Variants in RAPGEFL1 observed in about 807,000 individuals in gnomAD.
RAPGEFL1 encodes the protein Rap guanine nucleotide exchange factor like 1.
RAPGEFL1 carries 31 observed loss-of-function variants against 64.4 expected under a neutral mutation model. The ratio of observed to expected loss-of-function variants is 0.48; its 90% CI spans 0.36 to 0.65. The LOEUF (loss-of-function observed/expected upper bound fraction) is 0.65. Among genes scored for constraint, RAPGEFL1 ranks in the 30% least tolerant of loss-of-function variants. The pLI is 0.00. For synonymous variants in RAPGEFL1, 331 were observed against 274.1 expected, an observed-to-expected ratio of 1.21 and a Z score of -2.05; for missense variants, 682 against 677.4, an observed-to-expected ratio of 1.01 and a Z score of -0.08.
At position 40,193,835 on chromosome 17, in the gene RAPGEFL1, C is replaced by T. The variant is rs761224867; in HGVS notation, c.*47C>T. The T allele has an allele frequency of 6.2e-7, 1 of 1,612,068 alleles. No individual in the cohort carries two copies. Among genetic ancestry groups the T allele is most frequent in the African/African-American group, 1.3e-5 (1 of 74,962 alleles). ...CCGCCAGATCCTTGGGCACCTGGCA[C>T]TCAAGCACTTTGCACGATGTCTCAA... On this transcript the variant is annotated 3_prime_UTR_variant, in exon 15 of 15. Coordinates refer to ENST00000620260, the MANE Select transcript of RAPGEFL1 (RefSeq NM_016339.6).
Position 40,189,333 on chromosome 17 carries a change from C to T in RAPGEFL1, c.1072C>T (p.Arg358Cys), listed in dbSNP as rs143295458. 437 of 1,613,982 alleles carry T rather than the reference C, an allele frequency of 2.7e-4. 1 individual carries two copies. Among genetic ancestry groups the T allele is most frequent in the Non-Finnish European group, 5.0e-5 (59 of 1,180,036 alleles). ...TCAATATTCAGAGGAGCCCGCGGGG[C>T]GTGAGGATTCCCTCATCCTGGTAGC... ...KLQYSEEPAG[R>C]EDSLILVAVS... Residue 358 changes from arginine to cysteine, a missense_variant, in exon 6 of 15, where the codon CGT becomes TGT. Physicochemically the swap from Arg to Cys is radical, Grantham distance 180. Transcript: ENST00000620260.
At position 40,190,777 on chromosome 17, in the gene RAPGEFL1, T is replaced by C. The variant is rs768739826; in HGVS notation, c.1335+15T>C. 1.5e-5 allele frequency: 24 copies of C among 1,613,736 alleles called. No individual in the cohort carries two copies. Among genetic ancestry groups the C allele is most frequent in the Non-Finnish European group, 1.9e-5 (23 of 1,179,874 alleles). On this transcript the variant is annotated intron_variant, in intron 8 of 14. Coordinates refer to ENST00000620260, the MANE Select transcript of RAPGEFL1 (RefSeq NM_016339.6). ...GTGTGCATGAGGTGGGGACCGAGGC[T>C]GGTGCTATGCTGGGGGGCTGGAGGG...
intron 1 of RAPGEFL1, 199 bp from the exon 2 acceptor site, chr17:40,181,417 A>C: frequency 4.7e-6 from 3 of 642,316 alleles, no homozygotes; most frequent in Non-Finnish European, 5.8e-6. Flanking sequence ...GCAGCTGCCG[A>C]ACCCACCCTC....
intron 14 of RAPGEFL1, 37 bp downstream of exon 14, chr17:40,193,454 G>A: frequency 6.2e-7 from 1 of 1,611,446 alleles, no homozygotes; most frequent in Non-Finnish European, 8.5e-7. Context: ...TACAGATAGA[G>A]CTTTGACTGA....
chr17:40,181,468 G>C (rs1307622334), intron 1 of RAPGEFL1, 148 bp from the exon 2 acceptor site: 1 of 672,772 alleles, frequency 1.5e-6, no homozygotes, highest in East Asian at 2.8e-5. Flanking sequence ...ATGTGTGCGC[G>C]TGTGCAGAGC....
At chr17:40,187,817 G>A (rs2145215000) in intron 4 of RAPGEFL1, among the ~76,000 whole-genome samples, 1 of 150,952 alleles carries the variant, frequency 6.6e-6, no homozygotes, top group African/African-American at 2.4e-5. Flanking sequence ...GTTTCATCGT[G>A]TTAGCCAGGA....
chr17:40,183,835 C>CTTTTT (rs34505274), intron 2 of RAPGEFL1, among the ~76,000 whole-genome samples: 12 of 56,880 alleles, frequency 2.1e-4, no homozygotes, highest in South Asian at 6.6e-4. Flanking sequence ...TTTTTTTTGC[C>CTTTTT]TTTTTTTTTT....
In RAPGEFL1 at chr17:40,193,768, C is replaced by G. The variant is rs143788634; in HGVS notation, c.1969C>G (p.Leu657Val). ...QNLLFELSYK[L>V]EANSQ ...CCTCCTCTTCGAGCTCTCCTACAAG[C>G]TGGAGGCAAACAGTCAGTGAGAGTG... Residue 657 changes from leucine (L) to valine (V), a missense_variant, in exon 15 of 15, where the codon CTG becomes GTG. Coordinates refer to ENST00000620260, the MANE Select transcript of RAPGEFL1 (RefSeq NM_016339.6). 1.2e-4 allele frequency: 201 copies of G among 1,613,998 alleles called. No individual in the cohort carries two copies. The African/African-American group carries it at 2.3e-3, about 19-fold the overall frequency.
intron 1 of RAPGEFL1, among the ~76,000 whole-genome samples, chr17:40,179,006 C>CA (rs1381463477): frequency 6.6e-6 from 1 of 151,452 alleles, no homozygotes; most frequent in East Asian, 1.9e-4. Flanking sequence ...GGCCCTGCAG[C>CA]ATCCAGGGTG....
In RAPGEFL1 at chr17:40,178,091, T is replaced by A; in HGVS notation, c.230T>A (p.Leu77Gln). 1 of 598,346 alleles carries A rather than the reference T, an allele frequency of 1.7e-6. No individual in the cohort carries two copies. 37.1% of individuals were successfully genotyped at this position (598,346 alleles called of 1,614,324 possible). ...CGGGAGCCCCCCGCCGAGCCGGGGC[T>A]GGAGCCGCCCCCTGAGGAGGAAGGA... ...FLREPPAEPG[L>Q]EPPPEEEGGE... The change falls in exon 1 of 15, where the codon CTG (leucine) becomes CAG (glutamine). Residue 77 changes from leucine (L) to glutamine (Q), a missense_variant. Leu to Gln is a moderately radical substitution (Grantham distance 113, BLOSUM62 -2). This residue lies in a region of RAPGEFL1 where 271 missense variants were observed against 158.0 expected (regional missense o/e 1.72). Coordinates refer to ENST00000620260, the MANE Select transcript of RAPGEFL1 (RefSeq NM_016339.6).
In RAPGEFL1 at chr17:40,178,097, C is replaced by T. The variant is rs745681987; in HGVS notation, c.236C>T (p.Pro79Leu). 1.3e-4 allele frequency: 79 copies of T among 590,234 alleles called. No individual in the cohort carries two copies. The highest frequency in any genetic ancestry group is 2.2e-4 in the Non-Finnish European group (73 of 335,182). The allele number at this position is 590,234 out of a possible 1,614,324, so 36.6% of individuals were successfully genotyped here. A position where few individuals can be genotyped will look rare whatever the true frequency, so the allele number is the denominator to read the frequency against. Reference sequence around the variant, plus strand: ...CCCCCCGCCGAGCCGGGGCTGGAGCCGCCCCCTGAGGAGGAAGGAGGAGAG... The same window carrying T: ...CCCCCCGCCGAGCCGGGGCTGGAGCTGCCCCCTGAGGAGGAAGGAGGAGAG... ...REPPAEPGLEPPPEEEGGEPA... is the reference protein window; with the variant it reads ...REPPAEPGLELPPEEEGGEPA... The change falls in exon 1 of 15, where the codon CCG (proline) becomes CTG (leucine). Residue 79 changes from proline to leucine, a missense_variant. Coordinates refer to ENST00000620260, the MANE Select transcript of RAPGEFL1 (RefSeq NM_016339.6).
chr17:40,191,552 C>G lies in RAPGEFL1; in HGVS notation c.1515-30C>G. 4 of 1,566,416 alleles carry G rather than the reference C, an allele frequency of 2.6e-6. No homozygotes were observed. Among genetic ancestry groups the G allele is most frequent in the Non-Finnish European group, 3.5e-6 (4 of 1,157,532 alleles). On this transcript the variant is annotated intron_variant, in intron 9 of 14. Coordinates refer to ENST00000620260, the MANE Select transcript of RAPGEFL1 (RefSeq NM_016339.6). The surrounding 1 kb of genome is among the most constrained non-coding windows in gnomAD (Gnocchi z 5.1). The stretch of plus-strand genomic sequence containing the variant: ...GAGGCCGGAGGCCCGCGCCGCCGCC[C>G]GCCCCTGACCCCGCCTCCCACCCCC...
chr17:40,178,709 A>G (rs915869319), intron 1 of RAPGEFL1, among the ~76,000 whole-genome samples: 2 of 152,144 alleles, frequency 1.3e-5, no homozygotes, highest in African/African-American at 4.8e-5. Flanking sequence ...TGTGGCCCCA[A>G]ATTAGGGCCT....
Position 40,193,743 on chromosome 17 carries a change from C to G in RAPGEFL1, c.1944C>G (p.Asn648Lys). 6.2e-7 allele frequency: 1 copy of G among 1,614,114 alleles called. No homozygotes were observed. Among genetic ancestry groups the G allele is most frequent in the Non-Finnish European group, 8.5e-7 (1 of 1,180,012 alleles). Reference sequence around the variant, plus strand: ...AGTTTCAGGTCATCGACAACCAGAACCTCCTCTTCGAGCTCTCCTACAAGC... The same window carrying G: ...AGTTTCAGGTCATCGACAACCAGAAGCTCCTCTTCGAGCTCTCCTACAAGC... ...VRQFQVIDNQ[N>K]LLFELSYKLE... Residue 648 changes from asparagine (N) to lysine (K), a missense_variant, in exon 15 of 15, where the codon AAC (asparagine) becomes AAG (lysine). Transcript: ENST00000620260.
Position 40,183,297 on chromosome 17 carries a change from A to T in RAPGEFL1, c.600-917A>T, listed in dbSNP as rs544800811. ...AGGCCCTGGGCTGGTCAGAGGTTGG[A>T]TGGGTCTGGGCAGGGTATCCTCAAG... On this transcript the variant is annotated intron_variant, in intron 2 of 14. Transcript: ENST00000620260. Among the ~76,000 whole-genome samples, 79 of 152,104 alleles carry T rather than the reference A, an allele frequency of 5.2e-4. No individual in the cohort carries two copies. The Middle Eastern group carries it at 0.017, about 33-fold the overall frequency.
chr17:40,180,322 C>G (rs923067101), intron 1 of RAPGEFL1, among the ~76,000 whole-genome samples: 1 of 152,114 alleles, frequency 6.6e-6, no homozygotes, highest in Non-Finnish European at 1.5e-5. Context: ...TGGGGTAAGA[C>G]TCCTGAAATG....
chr17:40,180,526 C>G (rs1445824768), intron 1 of RAPGEFL1, among the ~76,000 whole-genome samples: 1 of 152,102 alleles, frequency 6.6e-6, no homozygotes, highest in East Asian at 1.9e-4. Context: ...TCTGAACCTA[C>G]CAAAGCCTCT....
At chr17:40,190,288 T>C in intron 6 of RAPGEFL1, 146 bp from the exon 7 acceptor site, 1 of 638,746 alleles carries the variant, frequency 1.6e-6, no homozygotes, top group South Asian at 1.9e-5. Context: ...CAGATAAATA[T>C]GGCATAAACT....
In RAPGEFL1 at chr17:40,178,173, G is replaced by A; in HGVS notation, c.312G>A (p.Gln104=). Residue 104 remains glutamine (Q), a synonymous_variant, in exon 1 of 15, where the codon CAG becomes CAA. Coordinates refer to ENST00000620260, the MANE Select transcript of RAPGEFL1 (RefSeq NM_016339.6). ...EPGSGGPCWL[Q]LEEVPGPGPL... The stretch of plus-strand genomic sequence containing the variant: ...GCAGCGGGGGGCCCTGCTGGCTGCA[G>A]CTGGAGGAGGTGCCGGGGCCCGGGC... 1 of 555,528 alleles carries A rather than the reference G, an allele frequency of 1.8e-6. No homozygotes were observed. Among genetic ancestry groups the A allele is most frequent in the Non-Finnish European group, 3.2e-6 (1 of 312,452 alleles). 34.4% of individuals were successfully genotyped at this position (555,528 alleles called of 1,614,324 possible).
Sources: allele counts gnomAD v4.1 joint callset (sites outside exome capture counted in the v4.1 genomes callset), GRCh38; gene constraint gnomAD v4.1.1; regional missense constraint gnomAD v4.1.1; non-coding constraint Gnocchi (gnomAD v3.1); transcripts MANE v1.5; gene names NCBI Gene and HGNC (gene_info 2026-07-23, HGNC 2026-07-21).